Variants in ATXN7L1 observed in about 807,000 individuals in gnomAD.
The protein encoded by ATXN7L1 is ataxin 7 like 1, also known as ataxin-7-like protein 1.
In ATXN7L1, 15 loss-of-function variants were observed where a neutral mutation model predicts 70.8. The ratio of observed to expected loss-of-function variants is 0.21; its 90% CI spans 0.14 to 0.33. The LOEUF (loss-of-function observed/expected upper bound fraction) is 0.33, where lower values mean the gene tolerates loss of function less well. Among genes scored for constraint, ATXN7L1 ranks in the 10% least tolerant of loss-of-function variants. ATXN7L1 has a pLI of 1.00. For synonymous variants in ATXN7L1, 440 were observed against 445.1 expected (o/e 0.99, Z 0.14); for missense variants, 975 against 1,097.1 (o/e 0.89, Z 1.57).
At chr7:105,735,888 G>A (rs531683382) in intron 3 of ATXN7L1, among the ~76,000 whole-genome samples, 1 of 152,190 alleles carries the variant, frequency 6.6e-6, no homozygotes, top group South Asian at 2.1e-4. Flanking sequence ...TCAAGCCTAA[G>A]CCACCAATCC....
chr7:105,801,951 C>A (rs531092226), intron 2 of ATXN7L1, among the ~76,000 whole-genome samples: 8 of 152,150 alleles, frequency 5.3e-5, no homozygotes, highest in Non-Finnish European at 8.8e-5. Context: ...CCAAACTCGA[C>A]GGAATGTGGC....
In ATXN7L1 at chr7:105,679,665, G is replaced by C. The variant is rs78751771; in HGVS notation, c.356-14377C>G. ...GCCAAGGACAGTAGATTTGGAGGGG[G>C]GAGAATGCCTACCAAAACAATGGTT... On this transcript the variant is annotated intron_variant, in intron 3 of 11. Transcript: ENST00000419735. Among the ~76,000 whole-genome samples, 928 of 152,200 alleles carry C rather than the reference G, an allele frequency of 6.1e-3. 11 individuals carry two copies. Among genetic ancestry groups the C allele is most frequent in the African/African-American group, 0.021 (890 of 41,482 alleles).
intron 2 of ATXN7L1, among the ~76,000 whole-genome samples, chr7:105,805,736 G>A (rs1334609737): frequency 6.6e-6 from 1 of 152,184 alleles, no homozygotes; most frequent in Non-Finnish European, 1.5e-5. Flanking sequence ...CCAGGCAGTC[G>A]CAGGGGGAGG....
At chr7:105,635,349 C>A (rs1013262288) in intron 7 of ATXN7L1, among the ~76,000 whole-genome samples, 1 of 152,202 alleles carries the variant, frequency 6.6e-6, no homozygotes, top group Non-Finnish European at 1.5e-5. Flanking sequence ...CCAGGCCCCT[C>A]GGGCTGGGGG....
intron 3 of ATXN7L1, among the ~76,000 whole-genome samples, chr7:105,680,111 A>G (rs1805339549): frequency 2.6e-5 from 4 of 152,138 alleles, no homozygotes; most frequent in Admixed American, 2.0e-4. Flanking sequence ...TTTAAGACAC[A>G]AAAGTATTCC....
At chr7:105,656,332 C>G (rs1800629844) in intron 4 of ATXN7L1, among the ~76,000 whole-genome samples, 1 of 152,212 alleles carries the variant, frequency 6.6e-6, no homozygotes, top group Non-Finnish European at 1.5e-5. Context: ...TTCTTGCCCA[C>G]CTCCCTCCAC....
At chr7:105,744,691 C>G (rs12667687) in intron 3 of ATXN7L1, among the ~76,000 whole-genome samples, 13,964 of 150,210 alleles carry the variant, frequency 0.093, 662 homozygotes, top group Middle Eastern at 0.11. Flanking sequence ...AGAGACACAA[C>G]AACTAAATGC....
In ATXN7L1 at chr7:105,611,752, T is replaced by C. The variant is rs545645546; in HGVS notation, c.2473-1149A>G. Among the ~76,000 whole-genome samples the C allele has an allele frequency of 7.9e-5, 12 of 152,372 alleles. No homozygotes were observed. The Middle Eastern group carries it at 0.01, about 130-fold the overall frequency. ...CTTATATCAACCAGATACAATTAAA[T>C]GGATCCCCAAATTGTTCTCAAAGCA... On this transcript the variant is annotated intron_variant, in intron 10 of 11. Transcript: ENST00000419735.
intron 3 of ATXN7L1, among the ~76,000 whole-genome samples, chr7:105,773,666 A>G (rs1031149259): frequency 6.6e-6 from 1 of 152,122 alleles, no homozygotes; most frequent in African/African-American, 2.4e-5. Context: ...AATCCCCCCA[A>G]TCAAAACCAA....
chr7:105,624,334 C>G, intron 7 of ATXN7L1, 67 bp from the exon 8 acceptor site: 1 of 1,298,746 alleles, frequency 7.7e-7, no homozygotes, highest in Non-Finnish European at 9.9e-7. Flanking sequence ...ACAAGATCCA[C>G]CCAGTTTAAT....
At position 105,788,612 on chromosome 7, in the gene ATXN7L1, G is replaced by A. The variant is rs150412190; in HGVS notation, c.347C>T (p.Ser116Leu). The change falls in exon 3 of 12, where the codon TCG (serine) becomes TTG (leucine). Residue 116 changes from serine to leucine, a missense_variant. Physicochemically the swap from Ser to Leu is moderately radical, Grantham distance 145 (BLOSUM62 -2). Around this residue, in one of 5 missense-constraint regions of ATXN7L1, gnomAD observed 7 missense variants for 24.9 expected, o/e 0.28. Coordinates refer to ENST00000419735, the MANE Select transcript of ATXN7L1 (RefSeq NM_020725.2). Reference sequence around the variant, plus strand: ...TGCAGGGGTCCACTTACCGCAGTGCGACTGGAAAACCTGTGGCTTGACGAC... The same window carrying A: ...TGCAGGGGTCCACTTACCGCAGTGCAACTGGAAAACCTGTGGCTTGACGAC... ...NQVVKPQVFQ[S>L]HCERRHGSMC... The A allele has an allele frequency of 1.5e-4, 247 of 1,611,146 alleles. No homozygotes were observed. The East Asian group carries it at 1.8e-3, about 12-fold the overall frequency.
At chr7:105,748,257 C>T (rs954690769) in intron 3 of ATXN7L1, among the ~76,000 whole-genome samples, 2 of 152,152 alleles carry the variant, frequency 1.3e-5, no homozygotes, top group Non-Finnish European at 2.9e-5. Context: ...TCAGAGCAGA[C>T]TTAGTCTGCA....
rs1216383883 is a variant in ATXN7L1 at position 105,605,518 on chromosome 7, G to C, written c.*2334C>G. On this transcript the variant is annotated 3_prime_UTR_variant, in exon 12 of 12. Coordinates refer to ENST00000419735, the MANE Select transcript of ATXN7L1 (RefSeq NM_020725.2). Reference sequence around the variant, plus strand: ...CTCTTTATTCCAGCTTCCAATTCAAGATGTAGAGAGCTACAATGTCTAAAC... The same window carrying C: ...CTCTTTATTCCAGCTTCCAATTCAACATGTAGAGAGCTACAATGTCTAAAC... The C allele has an allele frequency of 6.9e-6, 1 of 144,350 alleles. No homozygotes were observed. The highest frequency in any genetic ancestry group is 1.5e-5 in the Non-Finnish European group (1 of 66,110). The allele number at this position is 144,350 out of a possible 1,614,324, so 8.9% of individuals were successfully genotyped here.
chr7:105,718,322 GAGCC>G (rs1419983310), intron 3 of ATXN7L1, among the ~76,000 whole-genome samples: 4 of 152,326 alleles, frequency 2.6e-5, no homozygotes, highest in Non-Finnish European at 4.4e-5. Flanking sequence ...TGCAGAATTG[GAGCC>G]AGCAAGTAAG....
At position 105,633,688 on chromosome 7, in the gene ATXN7L1, C is replaced by G. The variant is rs138417975; in HGVS notation, c.1202+4665G>C. Among the ~76,000 whole-genome samples the G allele has an allele frequency of 7.2e-5, 11 of 152,258 alleles. No homozygotes were observed. In the East Asian group the frequency reaches 2.1e-3, roughly 29 times the overall value. On this transcript the variant is annotated intron_variant, in intron 7 of 11. Coordinates refer to ENST00000419735, the MANE Select transcript of ATXN7L1 (RefSeq NM_020725.2). ...TGAGCCGAGATCAAGACACTGCTCT[C>G]CAGCCTGGGTGACAGGGGGGAGACT...
At chr7:105,738,048 C>T (rs1797607451) in intron 3 of ATXN7L1, among the ~76,000 whole-genome samples, 2 of 152,218 alleles carry the variant, frequency 1.3e-5, no homozygotes, top group Non-Finnish European at 1.5e-5. Flanking sequence ...AAGAAAATAA[C>T]CACAACCACC....
intron 2 of ATXN7L1, among the ~76,000 whole-genome samples, chr7:105,853,410 TG>T (rs1815192121): frequency 6.6e-6 from 1 of 152,072 alleles, no homozygotes; most frequent in African/African-American, 2.4e-5. Context: ...ACCATTAGGC[TG>T]GGCGTGGTGG....
intron 11 of ATXN7L1, 129 bp from the exon 12 acceptor site, chr7:105,608,019 C>CTGCCCTTTGCTGG: frequency 2.4e-6 from 2 of 821,854 alleles, no homozygotes; most frequent in Non-Finnish European, 3.9e-6. Context: ...CCATATCCAG[C>CTGCCCTTTGCTGG]AAAGGGCAGC....
chr7:105,783,460 C>T (rs2116468760), intron 3 of ATXN7L1, among the ~76,000 whole-genome samples: 1 of 152,262 alleles, frequency 6.6e-6, no homozygotes, highest in South Asian at 2.1e-4. Flanking sequence ...GGCTGGCGTA[C>T]ATAGGCAGTT....
Sources: allele counts gnomAD v4.1 joint callset (sites outside exome capture counted in the v4.1 genomes callset), GRCh38; gene constraint gnomAD v4.1.1; regional missense constraint gnomAD v4.1.1; transcripts MANE v1.5; gene names NCBI Gene and HGNC (gene_info 2026-07-23, HGNC 2026-07-21).